Variants in CSMD2 observed in about 807,000 individuals in gnomAD.
CSMD2 encodes CUB and Sushi multiple domains 2, also known as CUB and sushi domain-containing protein 2.
A neutral mutation model predicts 398.5 loss-of-function variants in CSMD2; 130 were observed. The ratio of observed to expected loss-of-function variants is 0.33; its 90% CI spans 0.28 to 0.38. The LOEUF is 0.38. Among genes scored for constraint, CSMD2 ranks in the 10% least tolerant of loss-of-function variants. CSMD2 has a pLI of 1.00. For synonymous variants in CSMD2, 1,828 were observed against 1,908.5 expected, an observed-to-expected ratio of 0.96 and a Z score of 1.10; for missense variants, 3,829 against 4,764.9, an observed-to-expected ratio of 0.80 and a Z score of 5.78.
intron 4 of CSMD2, among the ~76,000 whole-genome samples, chr1:33,928,031 C>CAG (rs1644186927): frequency 6.6e-6 from 1 of 152,212 alleles, no homozygotes; most frequent in South Asian, 2.1e-4. Flanking sequence ...TGGAGCCATG[C>CAG]AGGGGATGCC....
chr1:33,559,220 A>C lies in CSMD2; in HGVS notation c.8554+80T>G. The C allele has an allele frequency of 7.7e-7, 1 of 1,303,422 alleles. No individual in the cohort carries two copies. Among genetic ancestry groups the C allele is most frequent in the Middle Eastern group, 2.6e-4 (1 of 3,842 alleles). 80.7% of individuals were successfully genotyped at this position (1,303,422 alleles called of 1,614,324 possible). On this transcript the variant is annotated intron_variant, in intron 54 of 70. Coordinates refer to ENST00000373381, the MANE Select transcript of CSMD2 (RefSeq NM_001281956.2). The surrounding 1 kb of genome is among the most constrained non-coding windows in gnomAD (Gnocchi z 4.0). ...ATCAGAATGATGCCAGAATGAATTC[A>C]CTGGCTTCTTTTTCTGAGCTACAGA...
rs113702781 is a variant in CSMD2 at position 33,821,492 on chromosome 1, A to G, written c.1112-936T>C. On this transcript the variant is annotated intron_variant, in intron 7 of 70. Coordinates refer to ENST00000373381, the MANE Select transcript of CSMD2 (RefSeq NM_001281956.2). ...AAGCCTCACCAATCCCATGACCCCA[A>G]CAGCAACCTCTAGACAAGGGTTCCA... 9.3e-3 allele frequency among the ~76,000 whole-genome samples: 1,412 copies of G among 152,292 alleles called. 20 individuals are homozygous for G. The highest frequency in any genetic ancestry group is 0.033 in the African/African-American group (1,368 of 41,554).
intron 5 of CSMD2, among the ~76,000 whole-genome samples, chr1:33,910,575 A>G (rs1643395785): frequency 6.6e-6 from 1 of 152,174 alleles, no homozygotes; most frequent in Non-Finnish European, 1.5e-5. Context: ...GCCAATGAGG[A>G]CATCCCTTGG....
At chr1:33,677,354 G>C (rs889253658) in intron 25 of CSMD2, among the ~76,000 whole-genome samples, 1 of 152,136 alleles carries the variant, frequency 6.6e-6, no homozygotes, top group African/African-American at 2.4e-5. Context: ...AAAAACACAT[G>C]AAAAAATGCT....
intron 29 of CSMD2, among the ~76,000 whole-genome samples, chr1:33,639,903 C>T (rs1486503856): frequency 6.6e-6 from 1 of 152,110 alleles, no homozygotes. Context: ...CTCACAATAC[C>T]CTCTGCAGAA....
At chr1:33,556,977 G>A (rs986718253) in intron 55 of CSMD2, among the ~76,000 whole-genome samples, 1 of 152,084 alleles carries the variant, frequency 6.6e-6, no homozygotes, top group Non-Finnish European at 1.5e-5. Context: ...ACCCAGTCTT[G>A]GGCAGTTCTT....
chr1:33,619,231 A>G (rs868006757), intron 37 of CSMD2, among the ~76,000 whole-genome samples: 1 of 152,244 alleles, frequency 6.6e-6, no homozygotes. Context: ...GAAGGATGGC[A>G]GACCGTATCT....
At chr1:33,708,203 C>A (rs1353525264) in intron 22 of CSMD2, among the ~76,000 whole-genome samples, 1 of 152,182 alleles carries the variant, frequency 6.6e-6, no homozygotes. Context: ...TCTCTGTAAT[C>A]CAAGTCCTAT....
intron 44 of CSMD2, among the ~76,000 whole-genome samples, chr1:33,589,963 T>C: frequency 1.3e-5 from 2 of 152,146 alleles, no homozygotes; most frequent in Admixed American, 1.3e-4. Flanking sequence ...AATTGGTGCC[T>C]TCCATTCTCA....
chr1:34,073,750 C>A (rs1439856785), intron 2 of CSMD2, among the ~76,000 whole-genome samples: 1 of 152,164 alleles, frequency 6.6e-6, no homozygotes, highest in Non-Finnish European at 1.5e-5. Context: ...CTCTAGGAGA[C>A]CCCTGGCCCA....
At chr1:33,699,675 T>C (rs1470843450) in intron 23 of CSMD2, among the ~76,000 whole-genome samples, 4 of 152,218 alleles carry the variant, frequency 2.6e-5, no homozygotes, top group Non-Finnish European at 5.9e-5. Flanking sequence ...TTTTCCCCAA[T>C]AGCTTTCTTT....
chr1:33,521,677 C>T (rs774306793), intron 67 of CSMD2, 127 bp from the exon 68 acceptor site: 2 of 713,904 alleles, frequency 2.8e-6, no homozygotes, highest in Non-Finnish European at 5.1e-6. Flanking sequence ...AGGGTTTGTT[C>T]TCTGCCCACA....
In CSMD2 at chr1:33,633,367, C is replaced by T; in HGVS notation, c.5200+55G>A. 7.4e-7 allele frequency: 1 copy of T among 1,344,834 alleles called. No homozygotes were observed. Among genetic ancestry groups the T allele is most frequent in the Non-Finnish European group, 1.0e-6 (1 of 960,256 alleles). 83.3% of individuals were successfully genotyped at this position (1,344,834 alleles called of 1,614,324 possible). ...GCTTCTAGAGCCTCCTTCCTTTAGCCGGACGTGATGCCCCCGGCCCACAAC... is the reference window on the plus strand; with the variant it reads ...GCTTCTAGAGCCTCCTTCCTTTAGCTGGACGTGATGCCCCCGGCCCACAAC... On this transcript the variant is annotated intron_variant, in intron 32 of 70. Transcript: ENST00000373381. The surrounding 1 kb of genome is among the most constrained non-coding windows in gnomAD (Gnocchi z 5.0).
intron 3 of CSMD2, among the ~76,000 whole-genome samples, chr1:34,022,349 G>A (rs562360671): frequency 6.6e-6 from 1 of 152,304 alleles, no homozygotes; most frequent in East Asian, 1.9e-4. Flanking sequence ...GGGGTCAGAG[G>A]AGGTTAAGTG....
rs552499451 is a variant in CSMD2 at position 33,592,532 on chromosome 1, C to T, written c.6857-5364G>A. ...AGAACATTATGAGTGGCACAGGCAC[C>T]ACAAAGTGATTGGAATGTGTAGCTA... On this transcript the variant is annotated intron_variant, in intron 44 of 70. Transcript: ENST00000373381. The T allele has an allele frequency of 4.2e-6, 3 of 717,158 alleles. No individual in the cohort carries two copies. The South Asian group carries it at 4.4e-5, about 11-fold the overall frequency. The allele number at this position is 717,158 out of a possible 1,614,324, so 44.4% of individuals were successfully genotyped here. A position where few individuals can be genotyped will look rare whatever the true frequency, so the allele number is the denominator to read the frequency against.
chr1:33,807,561 A>C (rs1175602950), intron 10 of CSMD2, among the ~76,000 whole-genome samples: 1 of 152,212 alleles, frequency 6.6e-6, no homozygotes, highest in Non-Finnish European at 1.5e-5. Context: ...TATATGAGTA[A>C]ACCTAAGTGG....
At chr1:33,623,711 A>T (rs1319785027) in intron 35 of CSMD2, among the ~76,000 whole-genome samples, 2 of 152,256 alleles carry the variant, frequency 1.3e-5, no homozygotes, top group Non-Finnish European at 2.9e-5. Flanking sequence ...TGCAAGGCAG[A>T]GAATGGGGAA....
chr1:33,700,811 A>G, intron 22 of CSMD2, 138 bp from the exon 23 acceptor site: 1 of 802,696 alleles, frequency 1.2e-6, no homozygotes, highest in Non-Finnish European at 2.0e-6. Context: ...TATCAGATGC[A>G]AGGAAGATGG....
intron 53 of CSMD2, among the ~76,000 whole-genome samples, chr1:33,560,199 C>T (rs1658414075): frequency 6.6e-6 from 1 of 152,182 alleles, no homozygotes; most frequent in African/African-American, 2.4e-5. Context: ...GCAGTGTTGC[C>T]TCTGTGGGTG....
Sources: gnomAD v4.1 joint callset for allele counts (sites outside exome capture counted in the v4.1 genomes callset) on GRCh38, gnomAD v4.1.1 for gene constraint, Gnocchi (gnomAD v3.1) non-coding constraint, MANE v1.5 for transcripts, NCBI Gene and HGNC (gene_info 2026-07-23, HGNC 2026-07-21) for gene names.